DYDC1: variants seen among roughly 807,000 people sequenced by gnomAD.
The protein encoded by DYDC1 is DPY30 domain-containing protein 1.
DYDC1 carries 21 observed loss-of-function variants against 27.9 expected under a neutral mutation model. The observed-to-expected ratio is 0.75, with a 90% CI of 0.53 to 1.08. The LOEUF is 1.08. Ranked by LOEUF, DYDC1 falls within the 50% of genes least tolerant of loss-of-function variation. DYDC1 has a pLI of 0.00. For synonymous variants in DYDC1, 67 were observed against 65.8 expected, an observed-to-expected ratio of 1.02 and a Z score of -0.09; for missense variants, 202 against 205.9, an observed-to-expected ratio of 0.98 and a Z score of 0.12.
At chr10:80,351,143 T>TA (rs771385702) in intron 3 of DYDC1, among the ~76,000 whole-genome samples, 31 of 152,292 alleles carry the variant, frequency 2.0e-4, no homozygotes, top group Admixed American at 1.5e-3. Flanking sequence ...CCTCCTACCT[T>TA]ACAACCTTGT....
chr10:80,342,980 C>CAAAAAAAAAAAAAAAAAAA (rs55665661), intron 3 of DYDC1, among the ~76,000 whole-genome samples: 1 of 93,902 alleles, frequency 1.1e-5, no homozygotes, highest in Non-Finnish European at 2.1e-5. Flanking sequence ...GACTCCCTCT[C>CAAAAAAAAAAAAAAAAAAA]AAAAAAAAAA....
chr10:80,352,759 C>G, intron 1 of DYDC1, 149 bp from the exon 2 acceptor site: 2 of 1,033,990 alleles, frequency 1.9e-6, no homozygotes, highest in Non-Finnish European at 2.5e-6. Context: ...CAAGCTGGCC[C>G]CAGGAAACTT....
Position 80,336,185 on chromosome 10 carries a change from T to C in DYDC1, c.505A>G (p.Ile169Val), listed in dbSNP as rs1221936002. The change falls in exon 7 of 7, where the codon ATT (isoleucine) becomes GTT (valine). Residue 169 changes from isoleucine to valine, a missense_variant and splice_region_variant. By Grantham distance (29) the Ile-to-Val change is conservative. Coordinates refer to ENST00000372202, the MANE Select transcript of DYDC1 (RefSeq NM_001269053.2). ...AAATCTTGATCAATGTTTAATGCAATCTAAAAGCAAAACAAAAAGTAAATA... is the reference window on the plus strand; with the variant it reads ...AAATCTTGATCAATGTTTAATGCAACCTAAAAGCAAAACAAAAAGTAAATA... ...EELDEPMFSD[I>V]ALNIDQDL 13 of 1,570,112 alleles carry C rather than the reference T, an allele frequency of 8.3e-6. No individual in the cohort carries two copies. Among genetic ancestry groups the C allele is most frequent in the South Asian group, 6.0e-5 (5 of 83,658 alleles).
intron 3 of DYDC1, among the ~76,000 whole-genome samples, chr10:80,350,524 A>G (rs1240974203): frequency 6.6e-6 from 1 of 152,196 alleles, no homozygotes; most frequent in African/African-American, 2.4e-5. Flanking sequence ...CCTCCCTTCA[A>G]GAATAAGCCA....
chr10:80,336,546 A>C (rs1364054771), intron 6 of DYDC1: 2 of 163,880 alleles, frequency 1.2e-5, no homozygotes. Flanking sequence ...TGCTTCATTC[A>C]GCACATATGC....
At chr10:80,336,373 G>T in intron 6 of DYDC1, 188 bp from the exon 7 acceptor site, 1 of 976,524 alleles carries the variant, frequency 1.0e-6, no homozygotes, top group South Asian at 4.7e-5. Context: ...AGTAGTTATT[G>T]TTCCATCCTT....
chr10:80,338,295 C>A, intron 6 of DYDC1, 172 bp downstream of exon 6: 2 of 1,339,390 alleles, frequency 1.5e-6, no homozygotes, highest in Non-Finnish European at 1.9e-6. Context: ...GGGCAGAATG[C>A]CAATTAGGAA....
chr10:80,342,717 A>G (rs1422421067), intron 3 of DYDC1, among the ~76,000 whole-genome samples: 1 of 152,212 alleles, frequency 6.6e-6, no homozygotes, highest in Non-Finnish European at 1.5e-5. Flanking sequence ...CTGATGGCTC[A>G]TGCCTGTAAT....
rs145674082 is a variant in DYDC1, at chr10:80,349,405, T to C, written c.249+2496A>G. Among the ~76,000 whole-genome samples the C allele has an allele frequency of 7.3e-3, 1,117 of 152,344 alleles. 3 individuals are homozygous for C. The highest frequency in any genetic ancestry group is 0.01 in the Middle Eastern group (3 of 294). On this transcript the variant is annotated intron_variant, in intron 3 of 6. Coordinates refer to ENST00000372202, the MANE Select transcript of DYDC1 (RefSeq NM_001269053.2). ...CTTGTTATTCCTACATAATATGCCA[T>C]AATGCCTTCATAATATCATCAAATT...
chr10:80,342,024 C>CA (rs60594545), intron 4 of DYDC1, among the ~76,000 whole-genome samples: 248 of 108,830 alleles, frequency 2.3e-3, no homozygotes, highest in African/African-American at 6.3e-3. Flanking sequence ...GACTCCGTCT[C>CA]AAAAAAAAAA....
intron 6 of DYDC1, among the ~76,000 whole-genome samples, chr10:80,337,712 AG>A: frequency 6.6e-6 from 1 of 152,158 alleles, no homozygotes; most frequent in South Asian, 2.1e-4. Context: ...CTCTGCCTGG[AG>A]CACTATCCTC....
At chr10:80,340,360 C>A (rs1842278375) in intron 4 of DYDC1, among the ~76,000 whole-genome samples, 1 of 152,222 alleles carries the variant, frequency 6.6e-6, no homozygotes, top group African/African-American at 2.4e-5. Flanking sequence ...GGACTCATCT[C>A]TGAGCAATGG....
intron 3 of DYDC1, among the ~76,000 whole-genome samples, chr10:80,349,534 T>C (rs1176323716): frequency 6.6e-6 from 1 of 152,172 alleles, no homozygotes; most frequent in Admixed American, 6.5e-5. Flanking sequence ...GATATTTTAT[T>C]TGCAAAAGCT....
rs117876362 is a variant in DYDC1, at chr10:80,342,539, C to T, written c.250-178G>A. Among the ~76,000 whole-genome samples the T allele has an allele frequency of 1.5e-3, 234 of 152,314 alleles. 2 individuals carry two copies. The highest frequency in any genetic ancestry group is 9.6e-3 in the East Asian group (50 of 5,188). On this transcript the variant is annotated intron_variant, in intron 3 of 6. Coordinates refer to ENST00000372202, the MANE Select transcript of DYDC1 (RefSeq NM_001269053.2). ...AAAAGATTTTAATCTTCCTTAATTG[C>T]AAATTATAGAAAGCACAATTTGTAC...
intron 4 of DYDC1, among the ~76,000 whole-genome samples, chr10:80,339,843 G>A (rs1041563915): frequency 3.9e-5 from 6 of 152,158 alleles, no homozygotes; most frequent in African/African-American, 1.4e-4. Context: ...AAACAGCACT[G>A]TTTTCCCAAG....
chr10:80,337,881 C>T (rs900699182), intron 6 of DYDC1, among the ~76,000 whole-genome samples: 1 of 152,138 alleles, frequency 6.6e-6, no homozygotes, highest in Non-Finnish European at 1.5e-5. Flanking sequence ...TCTGCTGATC[C>T]GGCTCTCATT....
chr10:80,342,024 CAAA>C (rs60594545), intron 4 of DYDC1, among the ~76,000 whole-genome samples: 236 of 108,920 alleles, frequency 2.2e-3, no homozygotes, highest in East Asian at 9.9e-3. Flanking sequence ...GACTCCGTCT[CAAA>C]AAAAAAAAAA....
chr10:80,342,685 G>A (rs1842375183), intron 3 of DYDC1, among the ~76,000 whole-genome samples: 3 of 152,174 alleles, frequency 2.0e-5, no homozygotes, highest in African/African-American at 7.2e-5. Flanking sequence ...AAGAGTGGGT[G>A]AGAAACTCTT....
chr10:80,353,835 GATA>G (rs1401857663), intron 1 of DYDC1, among the ~76,000 whole-genome samples: 1 of 152,048 alleles, frequency 6.6e-6, no homozygotes, highest in East Asian at 1.9e-4. Flanking sequence ...AATCAATAAT[GATA>G]ATATCTCTTT....
Sources: gnomAD v4.1 joint callset for allele counts (sites outside exome capture counted in the v4.1 genomes callset) on GRCh38, gnomAD v4.1.1 for gene constraint, MANE v1.5 for transcripts, NCBI Gene and HGNC (gene_info 2026-07-23, HGNC 2026-07-21) for gene names.